The following MARCHF1 variants were observed in gnomAD, a reference collection of about 807,000 sequenced individuals.
The protein encoded by MARCHF1 is E3 ubiquitin-protein ligase MARCHF1.
In MARCHF1, 40 loss-of-function variants were observed where a neutral mutation model predicts 54.2. The observed-to-expected ratio is 0.74, with a 90% CI of 0.57 to 0.96. The LOEUF (loss-of-function observed/expected upper bound fraction) is 0.96, where lower values mean the gene tolerates loss of function less well. Among genes scored for constraint, MARCHF1 ranks in the 40% least tolerant of loss-of-function variants. MARCHF1 has a pLI of 0.00. For synonymous variants in MARCHF1, 236 were observed against 236.3 expected (o/e 1.00, Z 0.01); for missense variants, 586 against 656.5 (o/e 0.89, Z 1.17).
chr4:163,733,222 CACGTGTATATATATAT>C (rs1561047062), intron 4 of MARCHF1, among the ~76,000 whole-genome samples: 28 of 12,974 alleles, frequency 2.2e-3, no homozygotes, highest in Non-Finnish European at 3.7e-3. Context: ...TATATATATA[CACGTGTATATATATAT>C]ATACACGTGT....
chr4:164,019,646 G>A (rs1005419459), intron 2 of MARCHF1, among the ~76,000 whole-genome samples: 2 of 152,182 alleles, frequency 1.3e-5, no homozygotes, highest in Non-Finnish European at 2.9e-5. Context: ...GGCAAAAATG[G>A]TGATTGCAAA....
intron 5 of MARCHF1, among the ~76,000 whole-genome samples, chr4:163,615,482 A>G (rs3931342): frequency 0.92 from 140,160 of 151,964 alleles, 64,739 homozygotes; most frequent in African/African-American, 0.97. Flanking sequence ...ATTTATAATG[A>G]TGACCAAAAA....
chr4:164,091,292 A>G (rs1328596453), intron 2 of MARCHF1, among the ~76,000 whole-genome samples: 1 of 151,882 alleles, frequency 6.6e-6, no homozygotes, highest in East Asian at 1.9e-4. Flanking sequence ...CATGCACATC[A>G]TTTTTAATAT....
intron 2 of MARCHF1, among the ~76,000 whole-genome samples, chr4:164,107,167 AT>A (rs1755724414): frequency 6.6e-6 from 1 of 152,150 alleles, no homozygotes; most frequent in Admixed American, 6.6e-5. Context: ...TGATAAAAAA[AT>A]TATCTAATTT....
chr4:164,285,616 G>A (rs1311375175), intron 1 of MARCHF1, among the ~76,000 whole-genome samples: 2 of 151,378 alleles, frequency 1.3e-5, no homozygotes, highest in African/African-American at 4.8e-5. Context: ...CTAAATTTTT[G>A]TATTTTTAGT....
chr4:164,338,945 C>G (rs1274019111), intron 1 of MARCHF1, among the ~76,000 whole-genome samples: 1 of 151,874 alleles, frequency 6.6e-6, no homozygotes. Flanking sequence ...GCACTACAGC[C>G]TGAGCAACAA....
chr4:163,764,606 C>G (rs1432181475), intron 4 of MARCHF1, among the ~76,000 whole-genome samples: 1 of 151,960 alleles, frequency 6.6e-6, no homozygotes, highest in South Asian at 2.1e-4. Flanking sequence ...AAAGAAATAT[C>G]CTTGTCTGAA....
intron 4 of MARCHF1, among the ~76,000 whole-genome samples, chr4:163,832,189 G>T (rs142511550): frequency 6.6e-6 from 1 of 152,152 alleles, no homozygotes; most frequent in African/African-American, 2.4e-5. Flanking sequence ...GTTTCTAATT[G>T]GGGAAAACAG....
chr4:163,701,237 T>A (rs1744801612), intron 4 of MARCHF1, among the ~76,000 whole-genome samples: 1 of 152,166 alleles, frequency 6.6e-6, no homozygotes, highest in Non-Finnish European at 1.5e-5. Flanking sequence ...TTTGAGTCAA[T>A]TCTGGTTTTC....
chr4:163,873,635 T>C lies in MARCHF1; in HGVS notation c.-38-19466A>G, dbSNP rs554267493. ...GGCTTGGTTACACAATCAAGAAGTG[T>C]GTGGAGATTAATGCCCAGTGTGGAA... On this transcript the variant is annotated intron_variant, in intron 3 of 9. Coordinates refer to ENST00000514618, the MANE Select transcript of MARCHF1 (RefSeq NM_001394959.1). 6.6e-5 allele frequency among the ~76,000 whole-genome samples: 10 copies of C among 152,110 alleles called. No individual in the cohort carries two copies. The East Asian group carries it at 1.9e-3, about 29-fold the overall frequency.
At chr4:164,355,300 T>G (rs960638503) in intron 1 of MARCHF1, among the ~76,000 whole-genome samples, 1 of 75,932 alleles carries the variant, frequency 1.3e-5, no homozygotes, top group African/African-American at 4.6e-5. Context: ...AGAGCCTGCA[T>G]CGCCAAGTCA....
At chr4:163,852,931 A>C (rs1389693) in intron 4 of MARCHF1, among the ~76,000 whole-genome samples, 6,916 of 152,164 alleles carry the variant, frequency 0.045, 414 homozygotes, top group East Asian at 0.17. Context: ...TATTAGTGCC[A>C]TTATAGAAGA....
chr4:163,638,265 A>G (rs1294559183), intron 5 of MARCHF1, among the ~76,000 whole-genome samples: 2 of 152,032 alleles, frequency 1.3e-5, no homozygotes, highest in African/African-American at 2.4e-5. Flanking sequence ...TAAAAAAAAA[A>G]AAAGAAATGT....
At chr4:164,291,392 A>T (rs1056191515) in intron 1 of MARCHF1, among the ~76,000 whole-genome samples, 4 of 152,046 alleles carry the variant, frequency 2.6e-5, no homozygotes, top group African/African-American at 4.8e-5. Flanking sequence ...CAGAATGGCT[A>T]CTTTAGTAAC....
chr4:163,763,493 T>C (rs1746888163), intron 4 of MARCHF1, among the ~76,000 whole-genome samples: 1 of 152,142 alleles, frequency 6.6e-6, no homozygotes, highest in Non-Finnish European at 1.5e-5. Context: ...TATATGCAGA[T>C]ACTCGTTTTT....
At chr4:164,291,379 T>C (rs983448869) in intron 1 of MARCHF1, among the ~76,000 whole-genome samples, 1 of 152,044 alleles carries the variant, frequency 6.6e-6, no homozygotes, top group African/African-American at 2.4e-5. Context: ...AACTAACAGT[T>C]TGCAGAATGG....
chr4:163,929,148 T>C (rs1463734511), intron 3 of MARCHF1, among the ~76,000 whole-genome samples: 2 of 152,074 alleles, frequency 1.3e-5, no homozygotes, highest in African/African-American at 4.8e-5. Flanking sequence ...TTATTTCTTC[T>C]ATATCCAGCT....
intron 1 of MARCHF1, among the ~76,000 whole-genome samples, chr4:164,326,403 T>A (rs7657771): frequency 0.017 from 2,633 of 152,284 alleles, 70 homozygotes; most frequent in African/African-American, 0.06. Context: ...ATATCAAAGA[T>A]ATTCTTCCAA....
intron 2 of MARCHF1, among the ~76,000 whole-genome samples, chr4:164,091,410 T>TTATATATATATATATATA (rs1553980469): frequency 2.2e-3 from 301 of 136,884 alleles, no homozygotes; most frequent in African/African-American, 7.2e-3. Context: ...TCACCAAGTT[T>TTATATATATATATATATA]TATATATATA....
Sources: allele counts gnomAD v4.1 joint callset (sites outside exome capture counted in the v4.1 genomes callset), GRCh38; gene constraint gnomAD v4.1.1; transcripts MANE v1.5; gene names NCBI Gene and HGNC (gene_info 2026-07-23, HGNC 2026-07-21).